Variants in IQCM observed in about 807,000 individuals in gnomAD.
IQCM encodes the protein IQ motif containing M.
IQCM carries 45 observed loss-of-function variants against 57.6 expected under a neutral mutation model. That is an observed-to-expected ratio of 0.78 (90% CI 0.62 to 1.00). The LOEUF is 1.00. Among genes scored for constraint, IQCM ranks in the 50% least tolerant of loss-of-function variants. IQCM has a pLI of 0.00. For missense variants in IQCM, 468 were observed against 511.6 expected, an observed-to-expected ratio of 0.91 and a Z score of 0.82; for synonymous variants, 148 against 158.9, an observed-to-expected ratio of 0.93 and a Z score of 0.51.
intron 9 of IQCM, among the ~76,000 whole-genome samples, chr4:149,576,757 AC>A (rs1315563699): frequency 6.6e-6 from 1 of 151,912 alleles, no homozygotes; most frequent in Non-Finnish European, 1.5e-5. Flanking sequence ...TTGGGTATGT[AC>A]CCAGTAATGG....
intron 6 of IQCM, among the ~76,000 whole-genome samples, chr4:149,684,626 A>G (rs927400595): frequency 1.3e-5 from 2 of 151,336 alleles, no homozygotes; most frequent in Non-Finnish European, 3.0e-5. Flanking sequence ...TCTTCTGCTT[A>G]TATTCTCATT....
At chr4:149,442,945 CACACACACAG>C (rs1309202418) in intron 12 of IQCM, among the ~76,000 whole-genome samples, 985 of 55,272 alleles carry the variant, frequency 0.018, 2 homozygotes, top group Non-Finnish European at 0.025. Context: ...CACACACACA[CACACACACAG>C]AGAGAGAGAG....
chr4:149,575,511 T>C (rs1206810650), intron 9 of IQCM, among the ~76,000 whole-genome samples: 1 of 151,844 alleles, frequency 6.6e-6, no homozygotes, highest in South Asian at 2.1e-4. Flanking sequence ...GGCAAATTTT[T>C]AAAATAGTTT....
chr4:149,524,980 A>C (rs1318344750), intron 12 of IQCM, among the ~76,000 whole-genome samples: 1 of 151,854 alleles, frequency 6.6e-6, no homozygotes, highest in Admixed American at 6.6e-5. Flanking sequence ...TATTTGAATA[A>C]AGCAATAACT....
At chr4:149,561,410 G>A (rs1015552539) in intron 10 of IQCM, among the ~76,000 whole-genome samples, 1 of 152,062 alleles carries the variant, frequency 6.6e-6, no homozygotes, top group African/African-American at 2.4e-5. Context: ...GAACTTTAAG[G>A]ATGTGTGTGT....
chr4:149,592,292 T>C lies in IQCM; in HGVS notation c.682-4295A>G, dbSNP rs562754910. On this transcript the variant is annotated intron_variant, in intron 8 of 13. Coordinates refer to ENST00000636793, the MANE Select transcript of IQCM (RefSeq NM_001363507.2). ...CTGTTCATATCCTTCACCCACTTTTTGATGGGGTTGTTTGATTTTTTTTCT... is the reference window on the plus strand; with the variant it reads ...CTGTTCATATCCTTCACCCACTTTTCGATGGGGTTGTTTGATTTTTTTTCT... Among the ~76,000 whole-genome samples the C allele has an allele frequency of 3.9e-5, 6 of 152,320 alleles. No individual in the cohort carries two copies. The South Asian group carries it at 1.0e-3, about 26-fold the overall frequency.
intron 2 of IQCM, among the ~76,000 whole-genome samples, chr4:149,772,309 A>C (rs752561412): frequency 1.1e-4 from 16 of 152,204 alleles, no homozygotes; most frequent in Non-Finnish European, 1.5e-4. Flanking sequence ...TCAATTAATA[A>C]GAAATGCTCA....
At position 149,757,618 on chromosome 4, in the gene IQCM, C is replaced by T. The variant is rs182117493; in HGVS notation, c.-48-14879G>A. Among the ~76,000 whole-genome samples the T allele has an allele frequency of 6.3e-4, 96 of 151,966 alleles. 1 individual carries two copies. The South Asian group carries it at 0.012, about 20-fold the overall frequency. On this transcript the variant is annotated intron_variant, in intron 2 of 13. Coordinates refer to ENST00000636793, the MANE Select transcript of IQCM (RefSeq NM_001363507.2). ...TGCCAAATTATGATTAAGACAACAA[C>T]GGGTCAAGAAGATGGGGTAAACATG...
At chr4:149,638,857 G>T (rs1055431286) in intron 7 of IQCM, among the ~76,000 whole-genome samples, 1 of 152,144 alleles carries the variant, frequency 6.6e-6, no homozygotes, top group Non-Finnish European at 1.5e-5. Flanking sequence ...AAAGCATCAC[G>T]TGGCTTTACC....
chr4:149,407,169 C>CG (rs1733041154), intron 13 of IQCM, among the ~76,000 whole-genome samples: 1 of 152,070 alleles, frequency 6.6e-6, no homozygotes, highest in South Asian at 2.1e-4. Context: ...ATTATCCCCC[C>CG]CCAGGTCCCT....
At chr4:149,417,766 G>A (rs1025321175) in intron 13 of IQCM, among the ~76,000 whole-genome samples, 4 of 151,548 alleles carry the variant, frequency 2.6e-5, no homozygotes, top group Non-Finnish European at 4.4e-5. Flanking sequence ...CCAAGCTAGT[G>A]GGGATATGTT....
Position 149,656,544 on chromosome 4 carries a change from A to C in IQCM, c.565+25574T>G, listed in dbSNP as rs142345052. Among the ~76,000 whole-genome samples, 76 of 152,264 alleles carry C rather than the reference A, an allele frequency of 5.0e-4. 2 individuals carry two copies. The East Asian group carries it at 0.011, about 23-fold the overall frequency. ...TGGATTCCTGCATGAAATTGAATCT[A>C]TATAGAATGTTTAAATTTTATTATT... On this transcript the variant is annotated intron_variant, in intron 7 of 13. Transcript: ENST00000636793.
intron 5 of IQCM, among the ~76,000 whole-genome samples, chr4:149,726,144 G>GA (rs1294656595): frequency 0.017 from 2,153 of 126,762 alleles, 44 homozygotes; most frequent in African/African-American, 0.046. Flanking sequence ...AGAAAGAAAA[G>GA]AAAGAAAGAA....
chr4:149,524,517 C>G (rs192296490), intron 12 of IQCM, among the ~76,000 whole-genome samples: 1 of 151,514 alleles, frequency 6.6e-6, no homozygotes, highest in African/African-American at 2.4e-5. Context: ...TACTTCACAC[C>G]AAAAAAATTA....
chr4:149,507,482 G>A (rs1028056272), intron 12 of IQCM, among the ~76,000 whole-genome samples: 27 of 152,282 alleles, frequency 1.8e-4, no homozygotes, highest in Middle Eastern at 3.4e-3. Flanking sequence ...GAACTTGTTG[G>A]GAATTGGAGC....
chr4:149,474,383 C>T (rs1386089985), intron 12 of IQCM, among the ~76,000 whole-genome samples: 2 of 151,756 alleles, frequency 1.3e-5, no homozygotes, highest in Non-Finnish European at 1.5e-5. Flanking sequence ...TGGACTCCAG[C>T]CTGGCAATAG....
chr4:149,799,963 A>C (rs1488263577), intron 2 of IQCM, among the ~76,000 whole-genome samples: 1 of 152,020 alleles, frequency 6.6e-6, no homozygotes, highest in Non-Finnish European at 1.5e-5. Flanking sequence ...TATTCTAAAA[A>C]ATAGAGAAGG....
intron 7 of IQCM, among the ~76,000 whole-genome samples, chr4:149,632,887 C>T (rs1050804886): frequency 3.3e-5 from 5 of 152,150 alleles, no homozygotes; most frequent in African/African-American, 4.8e-5. Flanking sequence ...ATCGGCCGGG[C>T]GCGGTGGCTC....
Position 149,536,346 on chromosome 4 carries a change from T to A in IQCM, c.1228+12109A>T, listed in dbSNP as rs142512138. On this transcript the variant is annotated intron_variant, in intron 12 of 13. Transcript: ENST00000636793. The stretch of plus-strand genomic sequence containing the variant: ...CAGCAGTTTTAGTAGCATGGCTCCC[T>A]CTCCAGGTACCCACCCCACAGACAC... 2.7e-3 allele frequency among the ~76,000 whole-genome samples: 405 copies of A among 152,098 alleles called. 1 individual carries two copies. Among genetic ancestry groups the A allele is most frequent in the Admixed American group, 5.0e-3 (76 of 15,244 alleles).
Sources: allele counts gnomAD v4.1 joint callset (sites outside exome capture counted in the v4.1 genomes callset), GRCh38; gene constraint gnomAD v4.1.1; transcripts MANE v1.5; gene names NCBI Gene and HGNC (gene_info 2026-07-23, HGNC 2026-07-21).